The following MRPL46 variants were observed in gnomAD, a reference collection of about 807,000 sequenced individuals.
MRPL46 encodes large ribosomal subunit protein mL46.
MRPL46 carries 26 observed loss-of-function variants against 31.0 expected under a neutral mutation model. That is an observed-to-expected ratio of 0.84 (90% confidence interval 0.61 to 1.16). MRPL46 has a LOEUF of 1.16. MRPL46 is among the 50% of genes most tolerant of loss of function. The pLI is 0.00. For missense variants in MRPL46, 395 were observed against 340.0 expected, an observed-to-expected ratio of 1.16 and a Z score of -1.27; for synonymous variants, 159 against 141.3, an observed-to-expected ratio of 1.13 and a Z score of -0.89.
intron 2 of MRPL46, 64 bp downstream of exon 2, chr15:88,465,523 C>G: frequency 6.8e-7 from 1 of 1,466,030 alleles, no homozygotes; most frequent in Non-Finnish European, 9.1e-7. Context: ...AAGCAACTGT[C>G]TTTTATTTGG....
intron 3 of MRPL46, 73 bp from the exon 4 acceptor site, chr15:88,459,936 ATTATAGGGGGTCC>A (rs1436539279): frequency 1.3e-6 from 2 of 1,561,096 alleles, no homozygotes; most frequent in African/African-American, 2.7e-5. Context: ...GGCTCCCAAA[ATTATAGGGGGTCC>A]CTGCAAGATC....
chr15:88,459,594 C>CA lies in MRPL46; in HGVS notation c.*18_*19insT. 1 of 1,613,350 alleles carries CA rather than the reference C, an allele frequency of 6.2e-7. No individual in the cohort carries two copies. The highest frequency in any genetic ancestry group is 1.3e-5 in the African/African-American group (1 of 75,042). Reference sequence around the variant, plus strand: ...AATCCCAGACTTGTCTGAGCACCGTCCACAGGCAGCTCGGCCCATCAGAGG... The same window carrying CA: ...AATCCCAGACTTGTCTGAGCACCGTCACACAGGCAGCTCGGCCCATCAGAGG... On this transcript the variant is annotated 3_prime_UTR_variant, in exon 4 of 4. Coordinates refer to ENST00000312475, the MANE Select transcript of MRPL46 (RefSeq NM_022163.4).
At chr15:88,459,922 C>G in intron 3 of MRPL46, 59 bp from the exon 4 acceptor site, 1 of 1,589,526 alleles carries the variant, frequency 6.3e-7, no homozygotes, top group Non-Finnish European at 8.6e-7. Flanking sequence ...CATCTGTTTA[C>G]TCTGGCTCCC....
In MRPL46 at chr15:88,459,804, A is replaced by C; in HGVS notation, c.649T>G (p.Phe217Val). The change falls in exon 4 of 4, where the codon TTC becomes GTC. Residue 217 changes from phenylalanine (F) to valine (V), a missense_variant. By Grantham distance (50) the Phe-to-Val change is conservative. Coordinates refer to ENST00000312475, the MANE Select transcript of MRPL46 (RefSeq NM_022163.4). ...CTCTCTGTCCGCATTGCCTGGGGGA[A>C]CTTGAATGTGTAGTGCCCACAGGGT... is the stretch of plus-strand genomic sequence containing the variant. ...NAPCGHYTFK[F>V]PQAMRTESNL... is the part of the protein sequence containing the mutation. 6.2e-7 allele frequency: 1 copy of C among 1,614,210 alleles called. No homozygotes were observed. Among genetic ancestry groups the C allele is most frequent in the Non-Finnish European group, 8.5e-7 (1 of 1,180,040 alleles).
chr15:88,465,428 AC>A, intron 2 of MRPL46, 158 bp downstream of exon 2: 1 of 743,358 alleles, frequency 1.3e-6, no homozygotes, highest in African/African-American at 1.8e-5. Context: ...AATAAGACAG[AC>A]TTTTTAAGTC....
At position 88,465,777 on chromosome 15, in the gene MRPL46, G is replaced by C; in HGVS notation, c.229-4C>G. ...ACAGGCTTCTCTCTATCTCAATCTG[G>C]GAAAATTCAAAGGGCAAAAAACTAC... On this transcript the variant is annotated splice_polypyrimidine_tract_variant and splice_region_variant and intron_variant, in intron 1 of 3. Coordinates refer to ENST00000312475, the MANE Select transcript of MRPL46 (RefSeq NM_022163.4). 6.4e-7 allele frequency: 1 copy of C among 1,560,986 alleles called. No homozygotes were observed. The highest frequency in any genetic ancestry group is 1.4e-5 in the African/African-American group (1 of 71,780).
intron 1 of MRPL46, 93 bp from the exon 2 acceptor site, chr15:88,465,866 T>G (rs1028424574): frequency 8.2e-7 from 1 of 1,219,986 alleles, no homozygotes; most frequent in East Asian, 2.5e-5. Flanking sequence ...CATGGCACAC[T>G]TGGCAAGCTC....
chr15:88,466,958 G>A (rs1032756924), intron 1 of MRPL46, among the ~76,000 whole-genome samples, 192 bp downstream of exon 1: 3 of 152,192 alleles, frequency 2.0e-5, no homozygotes, highest in African/African-American at 7.2e-5. Flanking sequence ...CCAAAGAGTT[G>A]TCTAAGGTGA....
At chr15:88,465,157 A>C (rs2055512075) in intron 2 of MRPL46, 1 of 417,940 alleles carries the variant, frequency 2.4e-6, no homozygotes, top group East Asian at 3.8e-5. Context: ...TAATTCAAAC[A>C]CAACTACTTC....
Position 88,460,058 on chromosome 15 carries a change from T to C in MRPL46, c.590-195A>G, listed in dbSNP as rs140428631. 231 of 646,376 alleles carry C rather than the reference T, an allele frequency of 3.6e-4. 3 individuals are homozygous for C. Among genetic ancestry groups the C allele is most frequent in the African/African-American group, 3.5e-3 (190 of 54,802 alleles). 40.0% of individuals were successfully genotyped at this position (646,376 alleles called of 1,614,324 possible). On this transcript the variant is annotated intron_variant, in intron 3 of 3. Coordinates refer to ENST00000312475, the MANE Select transcript of MRPL46 (RefSeq NM_022163.4). ...TCCAAATGCCTCCTGGCCCATGGAG[T>C]CCAGATTCACCAGGCTCACTCCCAT...
intron 3 of MRPL46, chr15:88,461,979 T>C (rs184809908): frequency 1.3e-5 from 2 of 152,184 alleles, no homozygotes; most frequent in South Asian, 2.1e-4. Flanking sequence ...TCCCGTTATA[T>C]GCAAAAAAAG....
chr15:88,464,614 C>T, intron 3 of MRPL46, 89 bp downstream of exon 3: 1 of 1,210,410 alleles, frequency 8.3e-7, no homozygotes, highest in Non-Finnish European at 1.2e-6. Context: ...CCACCCCCAC[C>T]CTTAATCCAA....
intron 1 of MRPL46, 56 bp downstream of exon 1, chr15:88,467,094 C>G: frequency 2.5e-6 from 4 of 1,577,386 alleles, no homozygotes; most frequent in South Asian, 1.1e-5. Context: ...GGTGAAATTA[C>G]TCGCTCAAAG....
intron 1 of MRPL46, 84 bp downstream of exon 1, chr15:88,467,066 T>C: frequency 4.9e-6 from 7 of 1,433,944 alleles, no homozygotes; most frequent in Non-Finnish European, 6.8e-6. Context: ...ATAAGTACCG[T>C]ATACTTAAGT....
intron 3 of MRPL46, 189 bp from the exon 4 acceptor site, chr15:88,460,052 A>C: frequency 1.5e-6 from 1 of 669,892 alleles, no homozygotes; most frequent in East Asian, 2.8e-5. Flanking sequence ...CTCCTGGCCC[A>C]TGGAGTCCAG....
At chr15:88,465,995 A>G (rs568968099) in intron 1 of MRPL46, among the ~76,000 whole-genome samples, 1 of 152,222 alleles carries the variant, frequency 6.6e-6, no homozygotes, top group Non-Finnish European at 1.5e-5. Flanking sequence ...AAAATGTTAC[A>G]ATGTCACTGG....
chr15:88,460,219 C>G (rs1447354395), intron 3 of MRPL46: 1 of 250,434 alleles, frequency 4.0e-6, no homozygotes, highest in Non-Finnish European at 7.8e-6. Context: ...GCTGGCGAAT[C>G]AGCCCAGTCG....
intron 1 of MRPL46, among the ~76,000 whole-genome samples, chr15:88,466,654 CAT>C (rs2055538570): frequency 1.3e-5 from 2 of 152,318 alleles, no homozygotes; most frequent in South Asian, 2.1e-4. Context: ...TCTGAGGAAA[CAT>C]ATCACCCTTC....
chr15:88,462,498 T>C (rs1272467000), intron 3 of MRPL46: 1 of 152,222 alleles, frequency 6.6e-6, no homozygotes, highest in Non-Finnish European at 1.5e-5. Flanking sequence ...AAAATGCTAA[T>C]CTGAAAGAGA....
Sources: gnomAD v4.1 joint callset for allele counts (sites outside exome capture counted in the v4.1 genomes callset) on GRCh38, gnomAD v4.1.1 for gene constraint, MANE v1.5 for transcripts, NCBI Gene and HGNC (gene_info 2026-07-23, HGNC 2026-07-21) for gene names.